NAV3: variants seen among roughly 807,000 people sequenced by gnomAD.
The protein encoded by NAV3 is neuron navigator 3, also known as pore membrane and/or filament interacting like protein 1.
A neutral mutation model predicts 244.7 loss-of-function variants in NAV3; 87 were observed. The ratio of observed to expected loss-of-function variants is 0.36; its 90% CI spans 0.30 to 0.42. The LOEUF is 0.42. Among genes scored for constraint, NAV3 ranks in the 20% least tolerant of loss-of-function variants. The pLI is 1.00. For synonymous variants in NAV3, 1,126 were observed against 1,042.2 expected, an observed-to-expected ratio of 1.08 and a Z score of -1.55; for missense variants, 2,663 against 2,893.3, an observed-to-expected ratio of 0.92 and a Z score of 1.83.
intron 12 of NAV3, among the ~76,000 whole-genome samples, chr12:78,077,900 T>C (rs889010657): frequency 1.9e-4 from 29 of 152,300 alleles, no homozygotes; most frequent in African/African-American, 6.7e-4. Flanking sequence ...ATCACGCCTT[T>C]GCACTCCCAG....
At chr12:78,110,120 A>G (rs1293078681) in intron 12 of NAV3, among the ~76,000 whole-genome samples, 1 of 152,096 alleles carries the variant, frequency 6.6e-6, no homozygotes. Flanking sequence ...ATAAAAATAC[A>G]AAAGTCAGTA....
chr12:78,154,013 G>A, intron 22 of NAV3, among the ~76,000 whole-genome samples: 1 of 146,256 alleles, frequency 6.8e-6, no homozygotes, highest in African/African-American at 2.5e-5. Context: ...AGTTTATATG[G>A]GTAAATATAT....
At chr12:77,905,206 T>C (rs1308555564) in intron 1 of NAV3, among the ~76,000 whole-genome samples, 1 of 152,164 alleles carries the variant, frequency 6.6e-6, no homozygotes, top group Non-Finnish European at 1.5e-5. Flanking sequence ...GATGAATAGA[T>C]GTATTAAAAT....
intron 2 of NAV3, among the ~76,000 whole-genome samples, chr12:77,615,944 C>T (rs1871129057): frequency 6.6e-6 from 1 of 152,116 alleles, no homozygotes; most frequent in Non-Finnish European, 1.5e-5. Context: ...GGGACATTAT[C>T]CTCATAAACT....
rs1877251472 is a variant in NAV3 at position 77,734,371 on chromosome 12, C to T, written c.72+162105C>T. ...GAAATCATAGACCTTGCCTGTTTGT[C>T]TTTCTAATTTCCAGGTTCTGTGTGT... On this transcript the variant is annotated intron_variant, in intron 2 of 8. Transcript: ENST00000550042. 2.0e-5 allele frequency among the ~76,000 whole-genome samples: 3 copies of T among 151,724 alleles called. No individual in the cohort carries two copies. In the South Asian group the frequency reaches 6.2e-4, roughly 31 times the overall value.
intron 2 of NAV3, among the ~76,000 whole-genome samples, chr12:77,823,977 T>C (rs951478659): frequency 1.1e-4 from 16 of 152,112 alleles, no homozygotes; most frequent in Non-Finnish European, 2.2e-4. Flanking sequence ...GAATTAAAAA[T>C]ACATGAGACA....
chr12:77,820,697 AGT>A (rs372226078), intron 2 of NAV3, among the ~76,000 whole-genome samples: 1 of 152,012 alleles, frequency 6.6e-6, no homozygotes, highest in Non-Finnish European at 1.5e-5. Context: ...ACACTCTACC[AGT>A]GTGTGTGTGA....
chr12:77,890,274 T>A (rs1008048759), intron 1 of NAV3, among the ~76,000 whole-genome samples: 5 of 152,028 alleles, frequency 3.3e-5, no homozygotes, highest in South Asian at 2.1e-4. Flanking sequence ...TATTTTTATT[T>A]TTATTTATTT....
chr12:77,674,172 T>G (rs1344645635), intron 2 of NAV3, among the ~76,000 whole-genome samples: 1 of 152,210 alleles, frequency 6.6e-6, no homozygotes, highest in East Asian at 1.9e-4. Flanking sequence ...GTTTTCTTCA[T>G]ACAACTCTGG....
At chr12:77,996,469 C>T (rs1872363516) in intron 6 of NAV3, among the ~76,000 whole-genome samples, 1 of 152,190 alleles carries the variant, frequency 6.6e-6, no homozygotes, top group Admixed American at 6.6e-5. Flanking sequence ...CAATTATCAG[C>T]CATATATATT....
chr12:78,008,687 T>C (rs2136624718), intron 8 of NAV3, among the ~76,000 whole-genome samples: 1 of 152,338 alleles, frequency 6.6e-6, no homozygotes, highest in African/African-American at 2.4e-5. Flanking sequence ...TAAGTGCTTT[T>C]TTTCTGAGGT....
At chr12:77,678,318 T>C (rs1241864189) in intron 2 of NAV3, among the ~76,000 whole-genome samples, 1 of 152,190 alleles carries the variant, frequency 6.6e-6, no homozygotes, top group Non-Finnish European at 1.5e-5. Flanking sequence ...ATGGATTGAC[T>C]GTTGTTTTTT....
chr12:77,572,265 A>C (rs1311834347), exon 2 of NAV3: 1 of 154,374 alleles, frequency 6.5e-6, no homozygotes, highest in African/African-American at 2.4e-5. Flanking sequence ...GATCAGAAGA[A>C]GGTAAAAGAA....
At chr12:78,081,053 G>C (rs548222665) in intron 12 of NAV3, among the ~76,000 whole-genome samples, 1 of 151,600 alleles carries the variant, frequency 6.6e-6, no homozygotes, top group South Asian at 2.1e-4. Context: ...AAATAGAGAA[G>C]TCAGAATTTG....
intron 2 of NAV3, among the ~76,000 whole-genome samples, chr12:77,759,203 AT>A (rs552444818): frequency 0.01 from 1,590 of 152,290 alleles, 35 homozygotes; most frequent in African/African-American, 0.037. Context: ...TTTAATTTAC[AT>A]TTTTTATTAT....
At chr12:78,117,157 G>GTATA (rs1271535818) in intron 13 of NAV3, among the ~76,000 whole-genome samples, 4 of 11,614 alleles carry the variant, frequency 3.4e-4, no homozygotes, top group Admixed American at 1.9e-3. Context: ...AACAGAAGCA[G>GTATA]CATATATATA....
At chr12:77,619,074 G>GT (rs1174537809) in intron 2 of NAV3, among the ~76,000 whole-genome samples, 1 of 151,890 alleles carries the variant, frequency 6.6e-6, no homozygotes, top group African/African-American at 2.4e-5. Flanking sequence ...TATAACCCAG[G>GT]TTAGTACTAT....
chr12:77,750,411 A>T (rs1868787944), intron 2 of NAV3, among the ~76,000 whole-genome samples: 1 of 152,130 alleles, frequency 6.6e-6, no homozygotes. Flanking sequence ...TTGCACTTGT[A>T]GTCCTAGCTG....
At chr12:77,628,993 G>A (rs1871766843) in intron 2 of NAV3, among the ~76,000 whole-genome samples, 1 of 151,818 alleles carries the variant, frequency 6.6e-6, no homozygotes, top group Non-Finnish European at 1.5e-5. Flanking sequence ...ATCCATTGGA[G>A]ATACTAAATT....
Sources: allele counts gnomAD v4.1 joint callset (sites outside exome capture counted in the v4.1 genomes callset), GRCh38; gene constraint gnomAD v4.1.1; transcripts MANE v1.5; gene names NCBI Gene and HGNC (gene_info 2026-07-23, HGNC 2026-07-21).